Variants in CSNK1G2 observed in about 807,000 individuals in gnomAD.
CSNK1G2 encodes casein kinase I isoform gamma-2.
Under a neutral mutation model 48.0 loss-of-function variants are expected in CSNK1G2, and 11 were observed. That is an observed-to-expected ratio of 0.23 (90% CI 0.14 to 0.38). The LOEUF is 0.38. CSNK1G2 is among the 10% of genes least tolerant of loss of function. The probability of loss-of-function intolerance (pLI) is 1.00; values close to 1 mark genes in which losing one functional copy is unlikely to be tolerated. For synonymous variants in CSNK1G2, 337 were observed against 254.1 expected, an observed-to-expected ratio of 1.33 and a Z score of -3.10; for missense variants, 446 against 595.5, an observed-to-expected ratio of 0.75 and a Z score of 2.61.
intron 1 of CSNK1G2, among the ~76,000 whole-genome samples, chr19:1,945,704 C>T (rs1425963976): frequency 1.3e-5 from 2 of 152,106 alleles, no homozygotes; most frequent in African/African-American, 4.8e-5. Context: ...CGCCCATAAT[C>T]CCAGCTACTC....
rs2015900845 is a variant in CSNK1G2, at chr19:1,979,565, G to A, written c.924G>A (p.Leu308=). Residue 308 remains leucine, a synonymous_variant, in exon 9 of 12, where the codon CTG becomes CTA. Coordinates refer to ENST00000255641, the MANE Select transcript of CSNK1G2 (RefSeq NM_001319.7). ...DFFEKPDYDY[L]RKLFTDLFDR... is the part of the protein sequence containing the mutation. ...TCGAGAAGCCCGACTATGACTACCT[G>A]CGGAAGCTCTTCACCGACCTCTTCG... The A allele has an allele frequency of 3.1e-6, 5 of 1,609,024 alleles. No individual in the cohort carries two copies. The highest frequency in any genetic ancestry group is 2.2e-5 in the East Asian group (1 of 44,874).
chr19:1,954,137 A>G, intron 1 of CSNK1G2: 1 of 430,564 alleles, frequency 2.3e-6, no homozygotes, highest in South Asian at 1.7e-5. Flanking sequence ...CGTTAAACCC[A>G]TTACCGGCCT....
At position 1,979,680 on chromosome 19, in the gene CSNK1G2, C is replaced by A. The variant is rs201521868; in HGVS notation, c.1002+37C>A. 71 of 1,601,236 alleles carry A rather than the reference C, an allele frequency of 4.4e-5. No individual in the cohort carries two copies. In the East Asian group the frequency reaches 5.4e-4, roughly 12 times the overall value. The stretch of plus-strand genomic sequence containing the variant: ...GGTGCCGGTATGTGGGAGCGGGGGA[C>A]CGGGAAACTGCCCTGAGGGAGATGG... On this transcript the variant is annotated intron_variant, in intron 9 of 11. Transcript: ENST00000255641.
At position 1,969,889 on chromosome 19, in the gene CSNK1G2, C is replaced by A; in HGVS notation, c.117C>A (p.Val39=). ...GIRSSGTSSG[V]LMVGPNFRVG... The stretch of plus-strand genomic sequence containing the variant: ...GGAGCTCGGGGACCAGCTCGGGGGT[C>A]CTGATGGTGGGCCCCAACTTCCGCG... Residue 39 remains valine, a synonymous_variant, in exon 2 of 12, where the codon GTC becomes GTA. Transcript: ENST00000255641. 7.6e-7 allele frequency: 1 copy of A among 1,312,714 alleles called. No homozygotes were observed. The allele number at this position is 1,312,714 out of a possible 1,614,324, so 81.3% of individuals were successfully genotyped here. A position where few individuals can be genotyped will look rare whatever the true frequency, so the allele number is the denominator to read the frequency against.
intron 1 of CSNK1G2, chr19:1,954,146 C>T (rs2014894360): frequency 4.7e-6 from 2 of 428,402 alleles, no homozygotes; most frequent in Non-Finnish European, 9.4e-6. Flanking sequence ...CATTACCGGC[C>T]TAGGTCAGCC....
intron 1 of CSNK1G2, among the ~76,000 whole-genome samples, chr19:1,941,652 C>T (rs1287698791): frequency 6.7e-6 from 1 of 149,878 alleles, no homozygotes; most frequent in East Asian, 2.0e-4. Context: ...CACTCGGGAC[C>T]CCAGCGTCCC....
intron 1 of CSNK1G2, among the ~76,000 whole-genome samples, chr19:1,947,523 C>T (rs2014606214): frequency 6.6e-6 from 1 of 152,214 alleles, no homozygotes; most frequent in Non-Finnish European, 1.5e-5. Context: ...TGCCTGGGGA[C>T]AGTTCCCAGG....
intron 2 of CSNK1G2, among the ~76,000 whole-genome samples, chr19:1,971,722 T>C (rs992618136): frequency 6.4e-4 from 96 of 150,278 alleles, no homozygotes; most frequent in African/African-American, 1.8e-3. Flanking sequence ...TGCTGAATAG[T>C]GCAGGTCCCT....
In CSNK1G2 at chr19:1,969,875, A is replaced by G; in HGVS notation, c.103A>G (p.Thr35Ala). Residue 35 changes from threonine to alanine, a missense_variant, in exon 2 of 12, where the codon ACC (threonine) becomes GCC (alanine). By Grantham distance (58) the Thr-to-Ala change is moderately conservative. Coordinates refer to ENST00000255641, the MANE Select transcript of CSNK1G2 (RefSeq NM_001319.7). ...RSSHGIRSSG[T>A]SSGVLMVGPN... ...CAGCCACGGCATCCGGAGCTCGGGG[A>G]CCAGCTCGGGGGTCCTGATGGTGGG... 7.6e-7 allele frequency: 1 copy of G among 1,311,980 alleles called. No individual in the cohort carries two copies. Among genetic ancestry groups the G allele is most frequent in the East Asian group, 2.8e-5 (1 of 35,680 alleles). 81.3% of individuals were successfully genotyped at this position (1,311,980 alleles called of 1,614,324 possible). A position where few individuals can be genotyped will look rare whatever the true frequency, so the allele number is the denominator to read the frequency against.
chr19:1,951,486 G>T (rs181781323), intron 1 of CSNK1G2, among the ~76,000 whole-genome samples: 1 of 146,030 alleles, frequency 6.8e-6, no homozygotes, highest in East Asian at 2.1e-4. Flanking sequence ...AGATCCTGAG[G>T]CTGGCCCAGC....
At chr19:1,949,611 T>C (rs1383833775) in intron 1 of CSNK1G2, among the ~76,000 whole-genome samples, 2 of 152,236 alleles carry the variant, frequency 1.3e-5, no homozygotes, top group South Asian at 2.1e-4. Flanking sequence ...GGCTGCGTGA[T>C]TCTTCTGTCA....
chr19:1,980,139 C>T lies in CSNK1G2; in HGVS notation c.1194-10C>T, dbSNP rs774479073. 40 of 1,612,734 alleles carry T rather than the reference C, an allele frequency of 2.5e-5. No individual in the cohort carries two copies. Among genetic ancestry groups the T allele is most frequent in the East Asian group, 6.7e-5 (3 of 44,868 alleles). ...CCCGGTCCTCCTACCTGAGCCACTG[C>T]CCTCCTCAGATGCTGCTGTTTCTTC... On this transcript the variant is annotated splice_polypyrimidine_tract_variant and intron_variant, in intron 11 of 11. Coordinates refer to ENST00000255641, the MANE Select transcript of CSNK1G2 (RefSeq NM_001319.7).
In CSNK1G2 at chr19:1,952,347, G is replaced by A. The variant is rs191980733; in HGVS notation, c.-266+10929G>A. On this transcript the variant is annotated intron_variant, in intron 1 of 11. Transcript: ENST00000255641. Reference sequence around the variant, plus strand: ...AACTTTTTTTTTTTTTCTTGAGACAGAGTCTTGCTCTGTCGCTCAGGCTGG... The same window carrying A: ...AACTTTTTTTTTTTTTCTTGAGACAAAGTCTTGCTCTGTCGCTCAGGCTGG... Among the ~76,000 whole-genome samples the A allele has an allele frequency of 1.3e-3, 194 of 151,842 alleles. 1 individual carries two copies. The highest frequency in any genetic ancestry group is 2.4e-3 in the Admixed American group (37 of 15,252).
At chr19:1,943,857 G>A (rs915128890) in intron 1 of CSNK1G2, among the ~76,000 whole-genome samples, 1 of 152,342 alleles carries the variant, frequency 6.6e-6, no homozygotes, top group East Asian at 1.9e-4. Flanking sequence ...CTCATGGTCC[G>A]TCAAGGCCTT....
In CSNK1G2 at chr19:1,978,632, C is replaced by T. The variant is rs1471331977; in HGVS notation, c.329C>T (p.Pro110Leu). 1.2e-6 allele frequency: 2 copies of T among 1,604,776 alleles called. No homozygotes were observed. Among genetic ancestry groups the T allele is most frequent in the Non-Finnish European group, 8.5e-7 (1 of 1,176,232 alleles). ...GTCCCTCAGGTCTACTACTTCGGTCCGTGCGGGAAGTACAACGCCATGGTG... is the reference window on the plus strand; with the variant it reads ...GTCCCTCAGGTCTACTACTTCGGTCTGTGCGGGAAGTACAACGCCATGGTG... ...EGVPQVYYFG[P>L]CGKYNAMVLE... The change falls in exon 5 of 12, where the codon CCG (proline) becomes CTG (leucine). Residue 110 changes from proline to leucine, a missense_variant. By Grantham distance (98) the Pro-to-Leu change is moderately conservative. Around this residue, in one of 2 missense-constraint regions of CSNK1G2, gnomAD observed 258 missense variants for 415.9 expected, o/e 0.62. Coordinates refer to ENST00000255641, the MANE Select transcript of CSNK1G2 (RefSeq NM_001319.7). The surrounding 1 kb of genome is among the most constrained non-coding windows in gnomAD (Gnocchi z 7.3).
chr19:1,967,709 C>G (rs1351176615), intron 1 of CSNK1G2, among the ~76,000 whole-genome samples: 1 of 113,514 alleles, frequency 8.8e-6, no homozygotes. Flanking sequence ...CACCACCCTT[C>G]AGTTCTGCAG....
intron 1 of CSNK1G2, among the ~76,000 whole-genome samples, chr19:1,962,951 G>T (rs537998206): frequency 3.9e-5 from 6 of 152,060 alleles, no homozygotes; most frequent in Non-Finnish European, 7.4e-5. Context: ...AGGAGGAGGC[G>T]TAGTGTGGCC....
chr19:1,948,561 G>A (rs916532599), intron 1 of CSNK1G2, among the ~76,000 whole-genome samples: 1 of 125,264 alleles, frequency 8.0e-6, no homozygotes, highest in African/African-American at 2.8e-5. Flanking sequence ...AAAAGATCCC[G>A]TCACACTGAC....
chr19:1,979,439 A>AC (rs1555683992), intron 8 of CSNK1G2, 36 bp downstream of exon 8: 2 of 385,640 alleles, frequency 5.2e-6, no homozygotes, highest in Non-Finnish European at 8.1e-6. Context: ...TGTGCCCCCC[A>AC]CCCCCCACCC....
Sources: gnomAD v4.1 joint callset for allele counts (sites outside exome capture counted in the v4.1 genomes callset) on GRCh38, gnomAD v4.1.1 for gene constraint, gnomAD v4.1.1 regional missense constraint, Gnocchi (gnomAD v3.1) non-coding constraint, MANE v1.5 for transcripts, NCBI Gene and HGNC (gene_info 2026-07-23, HGNC 2026-07-21) for gene names.